The following CYP2C19 variants were observed in gnomAD, a reference collection of about 807,000 sequenced individuals.
The protein encoded by CYP2C19 is cytochrome P450 family 2 subfamily C member 19.
Under a neutral mutation model 40.9 loss-of-function variants are expected in CYP2C19, and 59 were observed. The ratio of observed to expected loss-of-function variants is 1.44; its 90% CI spans 1.17 to 1.79. The LOEUF is 1.79. Among genes scored for constraint, CYP2C19 ranks in the 40% most tolerant of loss-of-function variants. The probability of loss-of-function intolerance (pLI) is 0.00; values close to 1 mark genes in which losing one functional copy is unlikely to be tolerated. For synonymous variants in CYP2C19, 253 were observed against 208.7 expected (o/e 1.21, Z -1.83); for missense variants, 754 against 596.9 (o/e 1.26, Z -2.74).
rs192289355 is a variant in CYP2C19 at position 94,796,607 on chromosome 10, T to C, written c.819+14610T>C. On this transcript the variant is annotated intron_variant, in intron 5 of 8. Transcript: ENST00000371321. ...GGGCAGTATGGCCATTTTCACGATA[T>C]TGATTCTTCCTATCCATGAGCATGG... 7.0e-4 allele frequency among the ~76,000 whole-genome samples: 107 copies of C among 152,292 alleles called. 1 individual carries two copies. In the East Asian group the frequency reaches 0.02, roughly 29 times the overall value.
chr10:94,764,390 C>T (rs1018697226), intron 1 of CYP2C19, among the ~76,000 whole-genome samples: 1 of 152,054 alleles, frequency 6.6e-6, no homozygotes, highest in Non-Finnish European at 1.5e-5. Flanking sequence ...TGCATTTTTA[C>T]AGTGTTGATT....
intron 8 of CYP2C19, 89 bp downstream of exon 8, chr10:94,850,147 TAC>T: frequency 2.1e-6 from 3 of 1,434,148 alleles, no homozygotes; most frequent in Non-Finnish European, 2.9e-6. Context: ...TCTGCAGTGG[TAC>T]AGTTACTCTT....
At chr10:94,811,889 T>G (rs1303133734) in intron 5 of CYP2C19, among the ~76,000 whole-genome samples, 3 of 152,124 alleles carry the variant, frequency 2.0e-5, no homozygotes, top group Non-Finnish European at 4.4e-5. Flanking sequence ...AAGGTTAATA[T>G]TGTGTGTGGA....
intron 5 of CYP2C19, among the ~76,000 whole-genome samples, chr10:94,801,915 A>C (rs912184395): frequency 2.0e-5 from 3 of 152,148 alleles, no homozygotes; most frequent in African/African-American, 7.2e-5. Context: ...AGAGCTTTTA[A>C]AGGTGTTGCA....
At chr10:94,848,736 A>T (rs1203458309) in intron 7 of CYP2C19, among the ~76,000 whole-genome samples, 1 of 152,060 alleles carries the variant, frequency 6.6e-6, no homozygotes, top group Non-Finnish European at 1.5e-5. Flanking sequence ...ATTTGTTTGT[A>T]TCCTCTTTTA....
chr10:94,830,997 T>G (rs965330866), intron 6 of CYP2C19, among the ~76,000 whole-genome samples: 1 of 152,216 alleles, frequency 6.6e-6, no homozygotes, highest in African/African-American at 2.4e-5. Context: ...ATAGTAGGTC[T>G]TATTCATCCC....
chr10:94,770,177 G>T (rs1320983636), intron 1 of CYP2C19, among the ~76,000 whole-genome samples: 1 of 151,910 alleles, frequency 6.6e-6, no homozygotes, highest in African/African-American at 2.4e-5. Flanking sequence ...TGATGACATG[G>T]GCTGGCACTT....
At chr10:94,762,895 C>T in intron 1 of CYP2C19, 22 bp downstream of exon 1, 1 of 1,607,576 alleles carries the variant, frequency 6.2e-7, no homozygotes, top group Non-Finnish European at 8.5e-7. Context: ...CCTTCAGTGG[C>T]TTGCAAAAGG....
chr10:94,796,481 C>T (rs1049035940), intron 5 of CYP2C19, among the ~76,000 whole-genome samples: 32 of 152,072 alleles, frequency 2.1e-4, no homozygotes, highest in Non-Finnish European at 4.3e-4. Flanking sequence ...AATGTGGGCT[C>T]TTTTTTATTT....
intron 6 of CYP2C19, among the ~76,000 whole-genome samples, chr10:94,832,396 T>A (rs1273032811): frequency 3.3e-5 from 5 of 152,230 alleles, no homozygotes; most frequent in African/African-American, 1.2e-4. Flanking sequence ...AACCATCAGA[T>A]CTTGTAAGAC....
In CYP2C19 at chr10:94,853,055, T is replaced by A. The variant is rs1197325538; in HGVS notation, c.*141T>A. On this transcript the variant is annotated 3_prime_UTR_variant, in exon 9 of 9. Coordinates refer to ENST00000371321, the MANE Select transcript of CYP2C19 (RefSeq NM_000769.4). ...CCCAAGATCTAGTGAACATTCAGCCTCCATTAAAAAAGTTTCACTGTGCAA... is the reference window on the plus strand; with the variant it reads ...CCCAAGATCTAGTGAACATTCAGCCACCATTAAAAAAGTTTCACTGTGCAA... 4 of 905,852 alleles carry A rather than the reference T, an allele frequency of 4.4e-6. No individual in the cohort carries two copies. The highest frequency in any genetic ancestry group is 6.6e-6 in the Non-Finnish European group (4 of 605,696). The allele number at this position is 905,852 out of a possible 1,614,324, so 56.1% of individuals were successfully genotyped here.
Position 94,852,850 on chromosome 10 carries a change from C to T in CYP2C19, c.1409C>T (p.Thr470Ile). 1 of 1,614,074 alleles carries T rather than the reference C, an allele frequency of 6.2e-7. No homozygotes were observed. Among genetic ancestry groups the T allele is most frequent in the Non-Finnish European group, 8.5e-7 (1 of 1,179,978 alleles). The stretch of plus-strand genomic sequence containing the variant: ...ATTGACCCAAAGGACCTTGACACAA[C>T]TCCTGTTGTCAATGGATTTGCTTCT... ...SLIDPKDLDTTPVVNGFASVP... is the reference protein window; with the variant it reads ...SLIDPKDLDTIPVVNGFASVP... Residue 470 changes from threonine to isoleucine, a missense_variant, in exon 9 of 9, where the codon ACT becomes ATT. Coordinates refer to ENST00000371321, the MANE Select transcript of CYP2C19 (RefSeq NM_000769.4).
At position 94,801,978 on chromosome 10, in the gene CYP2C19, G is replaced by T. The variant is rs145848815; in HGVS notation, c.820-18518G>T. On this transcript the variant is annotated intron_variant, in intron 5 of 8. Coordinates refer to ENST00000371321, the MANE Select transcript of CYP2C19 (RefSeq NM_000769.4). ...TTATTGTGGAGAGCGAAAGAACAAAGCTTTGACATCATGGAAGGAGACCTT... is the reference window on the plus strand; with the variant it reads ...TTATTGTGGAGAGCGAAAGAACAAATCTTTGACATCATGGAAGGAGACCTT... 3.1e-3 allele frequency among the ~76,000 whole-genome samples: 475 copies of T among 152,298 alleles called. 3 individuals carry two copies. Among genetic ancestry groups the T allele is most frequent in the African/African-American group, 0.011 (452 of 41,558 alleles).
At chr10:94,809,465 T>C (rs1848882692) in intron 5 of CYP2C19, among the ~76,000 whole-genome samples, 1 of 152,120 alleles carries the variant, frequency 6.6e-6, no homozygotes, top group Non-Finnish European at 1.5e-5. Flanking sequence ...CCATTTTTAC[T>C]TTGGTTGGAG....
intron 6 of CYP2C19, among the ~76,000 whole-genome samples, chr10:94,831,344 G>C (rs901246628): frequency 6.6e-6 from 1 of 152,214 alleles, no homozygotes; most frequent in African/African-American, 2.4e-5. Flanking sequence ...AAACACAAGA[G>C]TGCAGATGTC....
At chr10:94,816,049 A>T (rs1222228807) in intron 5 of CYP2C19, among the ~76,000 whole-genome samples, 1 of 152,098 alleles carries the variant, frequency 6.6e-6, no homozygotes, top group Non-Finnish European at 1.5e-5. Flanking sequence ...TGAGAATGAA[A>T]GAGGAAATAG....
rs185375972 is a variant in CYP2C19 at position 94,763,688 on chromosome 10, G to C, written c.168+815G>C. ...TACTCCTACTAGATTGATGGTAGGG[G>C]GCAGGGCAAGATTGGTGGGGCTAGT... is the stretch of plus-strand genomic sequence containing the variant. On this transcript the variant is annotated intron_variant, in intron 1 of 8. Coordinates refer to ENST00000371321, the MANE Select transcript of CYP2C19 (RefSeq NM_000769.4). 1.3e-4 allele frequency among the ~76,000 whole-genome samples: 19 copies of C among 151,982 alleles called. No individual in the cohort carries two copies. The East Asian group carries it at 2.9e-3, about 23-fold the overall frequency.
At chr10:94,846,867 T>C (rs1682044832) in intron 7 of CYP2C19, among the ~76,000 whole-genome samples, 1 of 151,714 alleles carries the variant, frequency 6.6e-6, no homozygotes, top group South Asian at 2.1e-4. Flanking sequence ...CTGTAATGAA[T>C]ATCTCTCCCG....
intron 1 of CYP2C19, among the ~76,000 whole-genome samples, chr10:94,767,541 C>A (rs1848263169): frequency 1.3e-5 from 2 of 152,306 alleles, no homozygotes; most frequent in South Asian, 4.1e-4. Context: ...CTAACTGCCA[C>A]TCCTCTCCAG....
Sources: allele counts gnomAD v4.1 joint callset (sites outside exome capture counted in the v4.1 genomes callset), GRCh38; gene constraint gnomAD v4.1.1; transcripts MANE v1.5; gene names NCBI Gene and HGNC (gene_info 2026-07-23, HGNC 2026-07-21).